Variants in NDNF observed in about 807,000 individuals in gnomAD.
NDNF encodes the protein neuron derived neurotrophic factor.
NDNF carries 16 observed loss-of-function variants against 42.0 expected under a neutral mutation model. The observed-to-expected ratio is 0.38, with a 90% CI of 0.26 to 0.58. The LOEUF is 0.58. Among genes scored for constraint, NDNF ranks in the 20% least tolerant of loss-of-function variants. The pLI is 0.67. For synonymous variants in NDNF, 248 were observed against 251.7 expected (o/e 0.99, Z 0.14); for missense variants, 616 against 666.2 (o/e 0.92, Z 0.83).
intron 1 of NDNF, among the ~76,000 whole-genome samples, chr4:121,052,941 G>A (rs1486153228): frequency 1.3e-5 from 2 of 152,144 alleles, no homozygotes; most frequent in East Asian, 1.9e-4. Flanking sequence ...GGAAGTAAAG[G>A]ATTCCTGGTC....
intron 2 of NDNF, among the ~76,000 whole-genome samples, chr4:121,044,469 A>G (rs780814459): frequency 4.5e-4 from 69 of 151,738 alleles, no homozygotes; most frequent in South Asian, 1.2e-3. Context: ...CAAAATAGGT[A>G]ACTTTAAATG....
intron 1 of NDNF, among the ~76,000 whole-genome samples, chr4:121,067,549 C>CT (rs1043341931): frequency 6.6e-6 from 1 of 152,108 alleles, no homozygotes; most frequent in Non-Finnish European, 1.5e-5. Flanking sequence ...GGTTTGTGGA[C>CT]TTTAAAGTGA....
intron 2 of NDNF, among the ~76,000 whole-genome samples, chr4:121,040,558 A>G (rs1726979876): frequency 6.6e-6 from 1 of 152,244 alleles, no homozygotes; most frequent in African/African-American, 2.4e-5. Context: ...ACCTAGTTCT[A>G]AACTGTGTGT....
chr4:121,052,218 A>G (rs987764661), intron 1 of NDNF, among the ~76,000 whole-genome samples: 1 of 152,226 alleles, frequency 6.6e-6, no homozygotes, highest in African/African-American at 2.4e-5. Context: ...CACTATAAAT[A>G]TAACATAAAG....
intron 3 of NDNF, among the ~76,000 whole-genome samples, chr4:121,039,176 CTATG>C (rs1439441251): frequency 0.013 from 166 of 13,190 alleles, 1 homozygote; most frequent in African/African-American, 0.018. Context: ...TATATAAAGA[CTATG>C]TGTGTGTGTG....
intron 1 of NDNF, chr4:121,061,600 A>G (rs1167934418): frequency 1.3e-5 from 2 of 152,204 alleles, no homozygotes; most frequent in African/African-American, 2.4e-5. Flanking sequence ...TTCCTCTTCA[A>G]TTCAGGATTG....
chr4:121,036,544 T>C lies in NDNF; in HGVS notation c.1427A>G (p.Asn476Ser). Residue 476 changes from asparagine to serine, a missense_variant, in exon 4 of 4, where the codon AAC (asparagine) becomes AGC (serine). Asn to Ser is a conservative substitution (Grantham distance 46). Coordinates refer to ENST00000379692, the MANE Select transcript of NDNF (RefSeq NM_024574.4). ...TVAWLGTQER[N>S]KFCIYKKEVD... ...TTCTTTTTTGTAGATGCAAAACTTG[T>C]TCCTTTCCTGAGTGCCTAGCCAAGC... The C allele has an allele frequency of 6.2e-7, 1 of 1,614,172 alleles. No individual in the cohort carries two copies. Among genetic ancestry groups the C allele is most frequent in the South Asian group, 1.1e-5 (1 of 91,078 alleles).
chr4:121,065,737 C>CAG, intron 1 of NDNF, among the ~76,000 whole-genome samples: 1 of 151,506 alleles, frequency 6.6e-6, no homozygotes, highest in African/African-American at 2.4e-5. Flanking sequence ...CACACACACA[C>CAG]ACATATATTT....
intron 1 of NDNF, among the ~76,000 whole-genome samples, chr4:121,056,405 G>C (rs1727297249): frequency 6.6e-6 from 1 of 152,142 alleles, no homozygotes; most frequent in South Asian, 2.1e-4. Flanking sequence ...CTACAGGGCA[G>C]GTCAGCAATC....
chr4:121,066,624 T>A (rs945335119), intron 1 of NDNF, among the ~76,000 whole-genome samples: 3 of 152,208 alleles, frequency 2.0e-5, no homozygotes, highest in Non-Finnish European at 2.9e-5. Flanking sequence ...CATTATAAAT[T>A]TTAAAAACAG....
intron 1 of NDNF, among the ~76,000 whole-genome samples, chr4:121,051,585 C>A (rs1485415404): frequency 6.6e-6 from 1 of 152,102 alleles, no homozygotes; most frequent in African/African-American, 2.4e-5. Flanking sequence ...GCACAACATA[C>A]CCTACAAAAA....
At chr4:121,055,262 T>C (rs191174017) in intron 1 of NDNF, among the ~76,000 whole-genome samples, 3 of 152,236 alleles carry the variant, frequency 2.0e-5, no homozygotes, top group East Asian at 3.9e-4. Flanking sequence ...AACAAAAAGA[T>C]CAGATGAAGG....
At chr4:121,051,990 C>T (rs1485688037) in intron 1 of NDNF, among the ~76,000 whole-genome samples, 10 of 152,124 alleles carry the variant, frequency 6.6e-5, no homozygotes, top group Admixed American at 1.3e-4. Context: ...AAATAGAAGA[C>T]GTGATATAAA....
chr4:121,045,057 T>A (rs1284035693), intron 2 of NDNF, among the ~76,000 whole-genome samples: 1 of 152,172 alleles, frequency 6.6e-6, no homozygotes, highest in Non-Finnish European at 1.5e-5. Context: ...CTTAGAAATA[T>A]CCTACTGTAC....
At chr4:121,052,210 CTATAAA>C (rs762361293) in intron 1 of NDNF, among the ~76,000 whole-genome samples, 18 of 152,112 alleles carry the variant, frequency 1.2e-4, no homozygotes, top group Non-Finnish European at 2.5e-4. Context: ...AGATTCATCA[CTATAAA>C]TATAACATAA....
At chr4:121,048,753 G>A (rs558336237) in intron 1 of NDNF, among the ~76,000 whole-genome samples, 6 of 152,062 alleles carry the variant, frequency 3.9e-5, no homozygotes, top group African/African-American at 1.4e-4. Context: ...CAGGAGAATC[G>A]CTTGAACCCA....
At chr4:121,043,366 G>C (rs1336927956) in intron 2 of NDNF, among the ~76,000 whole-genome samples, 1 of 152,078 alleles carries the variant, frequency 6.6e-6, no homozygotes, top group African/African-American at 2.4e-5. Context: ...CAACATGTTT[G>C]TGTGCTTATC....
At chr4:121,038,652 C>T (rs1726922779) in intron 3 of NDNF, among the ~76,000 whole-genome samples, 1 of 151,968 alleles carries the variant, frequency 6.6e-6, no homozygotes, top group Admixed American at 6.6e-5. Context: ...TTTCCTATTC[C>T]TAAACTATGG....
At chr4:121,056,673 T>C (rs1208757402) in intron 1 of NDNF, among the ~76,000 whole-genome samples, 2 of 152,246 alleles carry the variant, frequency 1.3e-5, no homozygotes. Context: ...ACTATCTTCT[T>C]AAAGGATCTT....
Sources: gnomAD v4.1 joint callset for allele counts (sites outside exome capture counted in the v4.1 genomes callset) on GRCh38, gnomAD v4.1.1 for gene constraint, MANE v1.5 for transcripts, NCBI Gene and HGNC (gene_info 2026-07-23, HGNC 2026-07-21) for gene names.